The following HCK variants were observed in gnomAD, a reference collection of about 807,000 sequenced individuals.
HCK encodes tyrosine-protein kinase HCK.
In HCK, 40 loss-of-function variants were observed where a neutral mutation model predicts 70.4. That is an observed-to-expected ratio of 0.57 (90% confidence interval 0.44 to 0.74). The LOEUF is 0.74. HCK is among the 30% of genes least tolerant of loss of function. HCK has a pLI of 0.00. For synonymous variants in HCK, 245 were observed against 263.2 expected (o/e 0.93, Z 0.67); for missense variants, 568 against 697.2 (o/e 0.81, Z 2.09).
intron 1 of HCK, among the ~76,000 whole-genome samples, chr20:32,058,573 T>A (rs1001740463): frequency 4.1e-5 from 6 of 147,262 alleles, no homozygotes; most frequent in African/African-American, 1.5e-4. Flanking sequence ...ATACTACTCA[T>A]GATTCCTGCA....
intron 1 of HCK, among the ~76,000 whole-genome samples, chr20:32,054,801 G>A (rs2045244650): frequency 6.6e-6 from 1 of 152,146 alleles, no homozygotes; most frequent in African/African-American, 2.4e-5. Context: ...GCGAGACTCC[G>A]TCTCAAAACA....
chr20:32,074,514 T>C, intron 4 of HCK, 109 bp from the exon 5 acceptor site: 1 of 766,170 alleles, frequency 1.3e-6, no homozygotes, highest in South Asian at 1.5e-5. Flanking sequence ...TCCTTCACCC[T>C]ACTGGCTTTC....
chr20:32,086,830 G>GTGCA (rs754825319), intron 9 of HCK, 23 bp downstream of exon 9: 4 of 1,559,790 alleles, frequency 2.6e-6, no homozygotes, highest in Non-Finnish European at 3.5e-6. Context: ...GGGGCTGGGG[G>GTGCA]TGCAGGCTGT....
intron 1 of HCK, among the ~76,000 whole-genome samples, chr20:32,065,211 G>A (rs1389171071): frequency 6.6e-6 from 1 of 152,136 alleles, no homozygotes; most frequent in Non-Finnish European, 1.5e-5. Flanking sequence ...CTGCTACATT[G>A]GTGGATCTCA....
chr20:32,094,112 G>T, intron 11 of HCK, 96 bp downstream of exon 11: 4 of 1,174,100 alleles, frequency 3.4e-6, no homozygotes, highest in Non-Finnish European at 4.9e-6. Flanking sequence ...AAATGCAAGG[G>T]ACTGCCCCAG....
intron 2 of HCK, 145 bp from the exon 3 acceptor site, chr20:32,073,174 G>A: frequency 3.0e-6 from 2 of 669,594 alleles, no homozygotes; most frequent in Admixed American, 3.0e-5. Flanking sequence ...GTGGTGCCAG[G>A]CATGTCCCCT....
At chr20:32,059,530 T>G (rs1318208348) in intron 1 of HCK, among the ~76,000 whole-genome samples, 1 of 151,848 alleles carries the variant, frequency 6.6e-6, no homozygotes, top group Non-Finnish European at 1.5e-5. Flanking sequence ...TTCTTTTTCT[T>G]TTTGAGACAG....
At position 32,052,381 on chromosome 20, in the gene HCK, C is replaced by CTAGAA; in HGVS notation, c.-44_-43insTAGAA. On this transcript the variant is annotated 5_prime_UTR_variant, in exon 1 of 13. Transcript: ENST00000375852. The stretch of plus-strand genomic sequence containing the variant: ...GCCCCCGCCTCTAGTTCTAGAAAGT[C>CTAGAA]AGTTTCCCGGCACTGGCACCCCGGA... The CTAGAA allele has an allele frequency of 7.9e-7, 1 of 1,271,320 alleles. No individual in the cohort carries two copies. Among genetic ancestry groups the CTAGAA allele is most frequent in the Non-Finnish European group, 1.0e-6 (1 of 994,946 alleles). The allele number at this position is 1,271,320 out of a possible 1,614,324, so 78.8% of individuals were successfully genotyped here.
intron 10 of HCK, among the ~76,000 whole-genome samples, chr20:32,092,655 C>CA (rs1338801476): frequency 5.9e-5 from 9 of 152,048 alleles, no homozygotes; most frequent in Admixed American, 5.9e-4. Flanking sequence ...TCCTGACCTA[C>CA]AAGGCAGTTC....
intron 1 of HCK, among the ~76,000 whole-genome samples, chr20:32,059,918 A>G (rs958634962): frequency 2.6e-5 from 4 of 152,178 alleles, no homozygotes; most frequent in African/African-American, 9.7e-5. Flanking sequence ...AATAAAAGAA[A>G]CTGAGACCTG....
At chr20:32,057,171 C>A (rs1356097270) in intron 1 of HCK, among the ~76,000 whole-genome samples, 2 of 152,234 alleles carry the variant, frequency 1.3e-5, no homozygotes, top group South Asian at 2.1e-4. Context: ...CTGGGGGCTA[C>A]ACCTGGGCTG....
Position 32,071,744 on chromosome 20 carries a change from C to G in HCK, c.145C>G (p.Pro49Ala), listed in dbSNP as rs141638027. 8.7e-5 allele frequency: 141 copies of G among 1,614,066 alleles called. No individual in the cohort carries two copies. In the African/African-American group the frequency reaches 1.5e-3, roughly 17 times the overall value. The change falls in exon 2 of 13, where the codon CCT becomes GCT. Residue 49 changes from proline to alanine, a missense_variant. Transcript: ENST00000375852. ...TGAAACCAGCGCCAGCCCACACTGT[C>G]CTGTGTACGTGCCGGATCCCACATC...
intron 1 of HCK, among the ~76,000 whole-genome samples, chr20:32,062,699 G>A (rs185220836): frequency 1.3e-4 from 20 of 152,262 alleles, no homozygotes; most frequent in African/African-American, 4.8e-4. Context: ...AAGAAGCTGA[G>A]GCTCAGTAAA....
In HCK at chr20:32,099,006, G is replaced by C; in HGVS notation, c.1249G>C (p.Ala417Pro). Residue 417 changes from alanine (A) to proline (P), a missense_variant and splice_region_variant, in exon 12 of 13, where the codon GCC (alanine) becomes CCC (proline). This residue lies in a region of HCK where 160 missense variants were observed against 237.5 expected (regional missense o/e 0.67). Transcript: ENST00000375852. The stretch of plus-strand genomic sequence containing the variant: ...CTCTGCTCTGTTCAACCCTGCAGGG[G>C]CCAAGTTCCCCATCAAGTGGACAGC... 6.2e-7 allele frequency: 1 copy of C among 1,614,042 alleles called. No homozygotes were observed. The highest frequency in any genetic ancestry group is 8.5e-7 in the Non-Finnish European group (1 of 1,179,952).
rs907395158 is a variant in HCK at position 32,099,276 on chromosome 20, C to T, written c.1378+141C>T. 2.3e-5 allele frequency: 19 copies of T among 829,626 alleles called. No individual in the cohort carries two copies. The East Asian group carries it at 4.6e-4, about 20-fold the overall frequency. The allele number at this position is 829,626 out of a possible 1,614,324, so 51.4% of individuals were successfully genotyped here. The stretch of plus-strand genomic sequence containing the variant: ...ACCTTTCCTGTCTTAGTTAAAGGCA[C>T]CTCCATCCATCTAATGTCTTAAGCC... On this transcript the variant is annotated intron_variant, in intron 12 of 12. Coordinates refer to ENST00000375852, the MANE Select transcript of HCK (RefSeq NM_002110.5).
intron 10 of HCK, among the ~76,000 whole-genome samples, chr20:32,091,208 G>A (rs2045859129): frequency 6.6e-6 from 1 of 152,230 alleles, no homozygotes; most frequent in Admixed American, 6.5e-5. Flanking sequence ...TAGCATATGA[G>A]CATCTGCCAG....
intron 11 of HCK, among the ~76,000 whole-genome samples, chr20:32,096,675 A>C (rs1450845734): frequency 7.2e-5 from 11 of 151,772 alleles, no homozygotes; most frequent in Non-Finnish European, 1.6e-4. Flanking sequence ...CTAATTTTTT[A>C]ATTATTTGTA....
rs372933291 is a variant in HCK, at chr20:32,079,767, C to T, written c.429-7C>T. Reference sequence around the variant, plus strand: ...GGTTCACATTTGTCCCCTCCCTTTTCCATCAGGTGGTTTTTCAAGGGCATC... The same window carrying T: ...GGTTCACATTTGTCCCCTCCCTTTTTCATCAGGTGGTTTTTCAAGGGCATC... On this transcript the variant is annotated splice_polypyrimidine_tract_variant and splice_region_variant and intron_variant, in intron 5 of 12. Transcript: ENST00000375852. 7 of 1,607,528 alleles carry T rather than the reference C, an allele frequency of 4.4e-6. No homozygotes were observed. The highest frequency in any genetic ancestry group is 5.1e-6 in the Non-Finnish European group (6 of 1,174,210).
At chr20:32,094,785 AAGAG>A (rs1291841082) in intron 11 of HCK, among the ~76,000 whole-genome samples, 11 of 74,736 alleles carry the variant, frequency 1.5e-4, no homozygotes, top group Non-Finnish European at 2.3e-4. Flanking sequence ...AAGAGAGAGA[AAGAG>A]AAAGAAAGAA....
Sources: allele counts gnomAD v4.1 joint callset (sites outside exome capture counted in the v4.1 genomes callset), GRCh38; gene constraint gnomAD v4.1.1; regional missense constraint gnomAD v4.1.1; transcripts MANE v1.5; gene names NCBI Gene and HGNC (gene_info 2026-07-23, HGNC 2026-07-21).